The following SHISAL1 variants were observed in gnomAD, a reference collection of about 807,000 sequenced individuals.
SHISAL1 encodes protein shisa-like-1.
A neutral mutation model predicts 22.6 loss-of-function variants in SHISAL1; 9 were observed. The ratio of observed to expected loss-of-function variants is 0.40; its 90% CI spans 0.24 to 0.70. SHISAL1 has a LOEUF of 0.70. SHISAL1 is among the 30% of genes least tolerant of loss of function. SHISAL1 has a pLI of 0.39. For missense variants in SHISAL1, 246 were observed against 270.6 expected, an observed-to-expected ratio of 0.91 and a Z score of 0.64; for synonymous variants, 119 against 115.4, an observed-to-expected ratio of 1.03 and a Z score of -0.20.
In SHISAL1 at chr22:44,285,533, G is replaced by C. The variant is rs372785890; in HGVS notation, c.494C>G (p.Pro165Arg). The change falls in exon 4 of 5, where the codon CCG (proline) becomes CGG (arginine). Residue 165 changes from proline (P) to arginine (R), a missense_variant. By Grantham distance (103) the Pro-to-Arg change is moderately radical. Transcript: ENST00000381176. ...TGGCAGCGGGCCTGGGGGAGGCTGC[G>C]GCTGTGGGGCCCGCTGACCCGGCCG... is the stretch of plus-strand genomic sequence containing the variant. ...APRPGQRAPQ[P>R]QPPPGPLPQA... 1.2e-6 allele frequency: 2 copies of C among 1,612,928 alleles called. No individual in the cohort carries two copies. Among genetic ancestry groups the C allele is most frequent in the Non-Finnish European group, 8.5e-7 (1 of 1,179,334 alleles).
At chr22:44,275,576 T>G (rs2055234099) in intron 4 of SHISAL1, among the ~76,000 whole-genome samples, 1 of 152,114 alleles carries the variant, frequency 6.6e-6, no homozygotes, top group South Asian at 2.1e-4. Flanking sequence ...GCAGCCGGCA[T>G]GGGGTGGCAT....
rs2054991248 is a variant in SHISAL1, at chr22:44,245,431, A to G, written c.*4254T>C. 1 of 152,226 alleles carries G rather than the reference A, an allele frequency of 6.6e-6. No individual in the cohort carries two copies. Among genetic ancestry groups the G allele is most frequent in the Non-Finnish European group, 1.5e-5 (1 of 68,078 alleles). The allele number at this position is 152,226 out of a possible 1,614,324, so 9.4% of individuals were successfully genotyped here. A position where few individuals can be genotyped will look rare whatever the true frequency, so the allele number is the denominator to read the frequency against. On this transcript the variant is annotated 3_prime_UTR_variant, in exon 5 of 5. Coordinates refer to ENST00000381176, the MANE Select transcript of SHISAL1 (RefSeq NM_001099294.2). ...CTGGGTTCATGTTATGTTAATTTCA[A>G]ACATGGGAGAAATCTGTAAATTCAC...
chr22:44,327,160 G>A, the SHISAL1 span, among the ~76,000 whole-genome samples: 1 of 151,978 alleles, frequency 6.6e-6, no homozygotes, highest in Non-Finnish European at 1.5e-5. Context: ...CACAGCACAC[G>A]AGGCTCAGGC....
the SHISAL1 span, among the ~76,000 whole-genome samples, chr22:44,329,653 G>T: frequency 6.6e-6 from 1 of 152,180 alleles, no homozygotes; most frequent in Non-Finnish European, 1.5e-5. Flanking sequence ...GAACTTCCTG[G>T]TCATCTCTTG....
chr22:44,266,940 C>T (rs537391443), intron 4 of SHISAL1, among the ~76,000 whole-genome samples: 31 of 152,164 alleles, frequency 2.0e-4, no homozygotes, highest in African/African-American at 5.8e-4. Flanking sequence ...AAGAAGCTGG[C>T]GGGCATCCCA....
At chr22:44,275,089 A>G (rs541204347) in intron 4 of SHISAL1, among the ~76,000 whole-genome samples, 2 of 152,342 alleles carry the variant, frequency 1.3e-5, no homozygotes, top group South Asian at 4.1e-4. Context: ...TAGGTTTTCA[A>G]CGTAAACTTG....
At chr22:44,315,439 G>A (rs2055551981), upstream of SHISAL1, among the ~76,000 whole-genome samples, 2 of 152,066 alleles carry the variant, frequency 1.3e-5, no homozygotes, top group Non-Finnish European at 1.5e-5. Flanking sequence ...AGGCTGCTGG[G>A]TGTGGTGCCG....
the SHISAL1 span, among the ~76,000 whole-genome samples, chr22:44,322,675 A>G: frequency 6.6e-6 from 1 of 152,116 alleles, no homozygotes; most frequent in Admixed American, 6.5e-5. Flanking sequence ...CACAGCCTGA[A>G]CTCGGCTCTG....
intron 1 of SHISAL1, among the ~76,000 whole-genome samples, chr22:44,307,884 G>A (rs1271753947): frequency 6.6e-6 from 1 of 152,200 alleles, no homozygotes; most frequent in Non-Finnish European, 1.5e-5. Flanking sequence ...GGCCTGCGGG[G>A]AGGGGCTGAG....
At chr22:44,255,856 C>T (rs1429298664) in intron 4 of SHISAL1, among the ~76,000 whole-genome samples, 1 of 152,204 alleles carries the variant, frequency 6.6e-6, no homozygotes, top group African/African-American at 2.4e-5. Context: ...TTGTATCAAC[C>T]TGACTGGGCC....
chr22:44,252,499 A>C (rs1220037904), intron 4 of SHISAL1, among the ~76,000 whole-genome samples: 1 of 152,124 alleles, frequency 6.6e-6, no homozygotes, highest in Non-Finnish European at 1.5e-5. Flanking sequence ...GACAACAGAG[A>C]CCATATGGTA....
intron 4 of SHISAL1, among the ~76,000 whole-genome samples, chr22:44,254,687 A>G (rs941496908): frequency 3.3e-5 from 5 of 152,200 alleles, no homozygotes; most frequent in South Asian, 2.1e-4. Flanking sequence ...TTGAAACACA[A>G]TGAGACATGT....
chr22:44,266,528 A>ATGTG (rs11473448), intron 4 of SHISAL1, among the ~76,000 whole-genome samples: 42,160 of 108,020 alleles, frequency 0.39, 9,108 homozygotes, highest in Non-Finnish European at 0.51. Flanking sequence ...GCTTTGGGGT[A>ATGTG]TGTGTGTGTG....
the SHISAL1 span, among the ~76,000 whole-genome samples, chr22:44,318,018 G>A: frequency 2.0e-5 from 3 of 152,394 alleles, no homozygotes; most frequent in South Asian, 2.1e-4. Flanking sequence ...AGCAGGGACC[G>A]AGGGGCAGAG....
chr22:44,311,481 G>A (rs568401843), intron 1 of SHISAL1, among the ~76,000 whole-genome samples: 13 of 152,330 alleles, frequency 8.5e-5, no homozygotes, highest in African/African-American at 3.1e-4. Flanking sequence ...GCTGGGCTCT[G>A]AGTCCAAGTT....
At chr22:44,258,668 C>T (rs1220409602) in intron 4 of SHISAL1, among the ~76,000 whole-genome samples, 1 of 152,098 alleles carries the variant, frequency 6.6e-6, no homozygotes, top group African/African-American at 2.4e-5. Context: ...TTTATGGCTG[C>T]GTTGTAGTCC....
chr22:44,262,247 A>G (rs943575858), intron 4 of SHISAL1, among the ~76,000 whole-genome samples: 2 of 152,210 alleles, frequency 1.3e-5, no homozygotes, highest in Admixed American at 6.5e-5. Flanking sequence ...GCCTCAGCCA[A>G]GGTCATTCAG....
intron 1 of SHISAL1, among the ~76,000 whole-genome samples, chr22:44,301,269 G>A (rs1019434587): frequency 9.8e-5 from 15 of 152,332 alleles, no homozygotes; most frequent in African/African-American, 3.6e-4. Context: ...AGAGGCTGGT[G>A]GCCAGGCACC....
chr22:44,289,072 G>A (rs1204452004), intron 3 of SHISAL1, among the ~76,000 whole-genome samples: 1 of 152,244 alleles, frequency 6.6e-6, no homozygotes, highest in Non-Finnish European at 1.5e-5. Flanking sequence ...TTTATAGGCT[G>A]CATGTCTTGT....
Sources: gnomAD v4.1 joint callset for allele counts (sites outside exome capture counted in the v4.1 genomes callset) on GRCh38, gnomAD v4.1.1 for gene constraint, MANE v1.5 for transcripts, NCBI Gene and HGNC (gene_info 2026-07-23, HGNC 2026-07-21) for gene names.